The following RAB31 variants were observed in gnomAD, a reference collection of about 807,000 sequenced individuals.
The protein encoded by RAB31 is ras-related protein Rab-31.
RAB31 carries 21 observed loss-of-function variants against 25.6 expected under a neutral mutation model. The ratio of observed to expected loss-of-function variants is 0.82; its 90% CI spans 0.58 to 1.18. RAB31 has a LOEUF of 1.18. Among genes scored for constraint, RAB31 ranks in the 50% most tolerant of loss-of-function variants. The pLI, the probability that RAB31 is intolerant of heterozygous loss-of-function variation, is 0.00. For synonymous variants in RAB31, 87 were observed against 84.0 expected, an observed-to-expected ratio of 1.04 and a Z score of -0.20; for missense variants, 196 against 250.1, an observed-to-expected ratio of 0.78 and a Z score of 1.46.
At chr18:9,828,517 G>C (rs2068661670) in intron 5 of RAB31, among the ~76,000 whole-genome samples, 1 of 152,162 alleles carries the variant, frequency 6.6e-6, no homozygotes, top group Non-Finnish European at 1.5e-5. Flanking sequence ...CTTCCATAGT[G>C]TACACGGTCA....
At chr18:9,720,507 A>G (rs1010963379) in intron 1 of RAB31, among the ~76,000 whole-genome samples, 3 of 151,900 alleles carry the variant, frequency 2.0e-5, no homozygotes, top group African/African-American at 7.3e-5. Flanking sequence ...AACCAGAAGA[A>G]GGGCTGATGT....
chr18:9,775,834 C>T (rs115153467), intron 2 of RAB31, among the ~76,000 whole-genome samples: 1 of 152,034 alleles, frequency 6.6e-6, no homozygotes, highest in Non-Finnish European at 1.5e-5. Context: ...TGTCACGTTG[C>T]CCAGGCTGGA....
chr18:9,788,004 A>G (rs2068442379), intron 2 of RAB31, among the ~76,000 whole-genome samples: 1 of 152,248 alleles, frequency 6.6e-6, no homozygotes, highest in Non-Finnish European at 1.5e-5. Context: ...GTTAAAACTC[A>G]TGACATGATA....
At chr18:9,755,350 G>A (rs8093100) in intron 1 of RAB31, among the ~76,000 whole-genome samples, 69,587 of 151,976 alleles carry the variant, frequency 0.46, 16,129 homozygotes, top group South Asian at 0.51. Flanking sequence ...GGCCACATGT[G>A]CCTGCTTTGT....
At chr18:9,717,964 A>G in intron 1 of RAB31, among the ~76,000 whole-genome samples, 1 of 151,742 alleles carries the variant, frequency 6.6e-6, no homozygotes, top group East Asian at 2.0e-4. Context: ...GTGCAATCAC[A>G]GCTCACTGCA....
chr18:9,782,282 G>A (rs113224268), intron 2 of RAB31, among the ~76,000 whole-genome samples: 1 of 152,236 alleles, frequency 6.6e-6, no homozygotes, highest in East Asian at 1.9e-4. Context: ...GGCCCAGGGC[G>A]GTTAGGGGAC....
At chr18:9,794,751 G>T (rs2068478360) in intron 3 of RAB31, among the ~76,000 whole-genome samples, 1 of 152,004 alleles carries the variant, frequency 6.6e-6, no homozygotes, top group African/African-American at 2.4e-5. Context: ...GGAGGCGGAG[G>T]TTGCAGTGAG....
intron 2 of RAB31, among the ~76,000 whole-genome samples, chr18:9,778,129 G>A (rs2068382893): frequency 6.6e-6 from 1 of 152,160 alleles, no homozygotes; most frequent in Non-Finnish European, 1.5e-5. Context: ...AAAATGACAA[G>A]CGTAAGTGTT....
At chr18:9,726,688 T>C (rs2145462116) in intron 1 of RAB31, among the ~76,000 whole-genome samples, 1 of 152,314 alleles carries the variant, frequency 6.6e-6, no homozygotes, top group Non-Finnish European at 1.5e-5. Flanking sequence ...GAGTAATAGC[T>C]TTCAATTCAC....
In RAB31 at chr18:9,860,851, G is replaced by A. The variant is rs961146284; in HGVS notation, c.*1526G>A. ...ACCTGGCACTTCAGTAACTCAGCAC[G>A]CTTCCACTTCACTCAACTTAAGAGA... On this transcript the variant is annotated 3_prime_UTR_variant, in exon 7 of 7. Coordinates refer to ENST00000578921, the MANE Select transcript of RAB31 (RefSeq NM_006868.4). The A allele has an allele frequency of 2.6e-5, 4 of 152,164 alleles. No individual in the cohort carries two copies. Among genetic ancestry groups the A allele is most frequent in the African/African-American group, 4.8e-5 (2 of 41,420 alleles). 9.4% of individuals were successfully genotyped at this position (152,164 alleles called of 1,614,324 possible). A position where few individuals can be genotyped will look rare whatever the true frequency, so the allele number is the denominator to read the frequency against.
intron 3 of RAB31, among the ~76,000 whole-genome samples, chr18:9,807,654 C>A (rs2068548797): frequency 6.6e-6 from 1 of 152,072 alleles, no homozygotes; most frequent in Non-Finnish European, 1.5e-5. Flanking sequence ...TTGGAATATT[C>A]CAGTTCATTA....
At chr18:9,852,850 C>A (rs75646801) in intron 6 of RAB31, among the ~76,000 whole-genome samples, 1 of 152,166 alleles carries the variant, frequency 6.6e-6, no homozygotes, top group Non-Finnish European at 1.5e-5. Flanking sequence ...TTACCACCAC[C>A]AATGTGTGGG....
intron 1 of RAB31, among the ~76,000 whole-genome samples, chr18:9,761,716 G>C (rs189751508): frequency 6.6e-6 from 1 of 152,200 alleles, no homozygotes; most frequent in African/African-American, 2.4e-5. Flanking sequence ...CCTGCCTTGC[G>C]TCCTCTTCAT....
intron 1 of RAB31, among the ~76,000 whole-genome samples, chr18:9,752,612 G>A (rs532156006): frequency 4.8e-4 from 73 of 152,336 alleles, no homozygotes; most frequent in African/African-American, 1.8e-3. Context: ...TCCCATTGAC[G>A]TCTGTGTTGG....
At chr18:9,735,011 C>T (rs2045231) in intron 1 of RAB31, 165,367 of 176,836 alleles carry the variant, frequency 0.94, 77,589 homozygotes, top group African/African-American at 0.98. Context: ...TTGTTGTCGT[C>T]GTTGTTGTTG....
intron 1 of RAB31, among the ~76,000 whole-genome samples, chr18:9,720,674 C>CTT (rs796200232): frequency 0.013 from 1,792 of 134,108 alleles, 17 homozygotes; most frequent in Middle Eastern, 0.077. Flanking sequence ...GTAATTTTCT[C>CTT]TTTTTTTTTT....
intron 1 of RAB31, among the ~76,000 whole-genome samples, chr18:9,733,988 T>C (rs1419198399): frequency 6.6e-6 from 1 of 151,402 alleles, no homozygotes; most frequent in Non-Finnish European, 1.5e-5. Context: ...TATCTATTAA[T>C]ACAAATGTAA....
intron 1 of RAB31, among the ~76,000 whole-genome samples, chr18:9,763,600 T>TTA (rs57545209): frequency 0.48 from 68,385 of 141,296 alleles, 16,905 homozygotes; most frequent in Non-Finnish European, 0.56. Flanking sequence ...AAGAAAAAAA[T>TTA]TATATATATA....
chr18:9,752,731 C>T (rs1019424535), intron 1 of RAB31, among the ~76,000 whole-genome samples: 4 of 152,126 alleles, frequency 2.6e-5, no homozygotes, highest in African/African-American at 7.2e-5. Context: ...AGTACAGGTA[C>T]GCAATTTATA....
Sources: gnomAD v4.1 joint callset for allele counts (sites outside exome capture counted in the v4.1 genomes callset) on GRCh38, gnomAD v4.1.1 for gene constraint, MANE v1.5 for transcripts, NCBI Gene and HGNC (gene_info 2026-07-23, HGNC 2026-07-21) for gene names.